Variants in SCEL observed in about 807,000 individuals in gnomAD.
The protein encoded by SCEL is sciellin.
A neutral mutation model predicts 117.6 loss-of-function variants in SCEL; 113 were observed. The observed-to-expected ratio is 0.96, with a 90% CI of 0.83 to 1.12. SCEL has a LOEUF of 1.12. SCEL is among the 50% of genes most tolerant of loss of function. SCEL has a pLI of 0.00. For missense variants in SCEL, 785 were observed against 810.8 expected (o/e 0.97, Z 0.39); for synonymous variants, 270 against 256.2 (o/e 1.05, Z -0.51).
At chr13:77,589,021 C>T in intron 9 of SCEL, 123 bp from the exon 10 acceptor site, 1 of 694,948 alleles carries the variant, frequency 1.4e-6, no homozygotes, top group Non-Finnish European at 2.5e-6. Context: ...TCAGGTACCT[C>T]ACACATGGGG....
chr13:77,612,521 G>A (rs1342494247), intron 22 of SCEL, among the ~76,000 whole-genome samples: 11 of 143,844 alleles, frequency 7.6e-5, no homozygotes, highest in African/African-American at 2.8e-4. Context: ...TTTGGAAGAA[G>A]GGGAGCAAGG....
Position 77,545,828 on chromosome 13 carries a change from G to A in SCEL, c.-20+10004G>A, listed in dbSNP as rs532177102. 1.1e-4 allele frequency among the ~76,000 whole-genome samples: 17 copies of A among 152,368 alleles called. No homozygotes were observed. In the South Asian group the frequency reaches 3.3e-3, roughly 30 times the overall value. ...AAAGACTCAAGAGCAGACTTTCTCT[G>A]GCTTGGGCCATCTGGCAGGGGCCTT... On this transcript the variant is annotated intron_variant, in intron 1 of 32. Coordinates refer to ENST00000349847, the MANE Select transcript of SCEL (RefSeq NM_144777.3).
At chr13:77,593,285 T>C (rs1217203842) in intron 11 of SCEL, among the ~76,000 whole-genome samples, 24 of 117,736 alleles carry the variant, frequency 2.0e-4, no homozygotes, top group African/African-American at 9.2e-4. Flanking sequence ...TGTGTGTGTG[T>C]GTGTGTGTGT....
At chr13:77,599,267 T>G (rs1594074866) in intron 13 of SCEL, 62 bp from the exon 14 acceptor site, 1 of 1,196,856 alleles carries the variant, frequency 8.4e-7, no homozygotes, top group East Asian at 2.4e-5. Context: ...GTCTATGTTC[T>G]TATAGAGTTA....
chr13:77,631,167 G>T (rs1319257669), intron 28 of SCEL, among the ~76,000 whole-genome samples: 3 of 152,174 alleles, frequency 2.0e-5, no homozygotes, highest in African/African-American at 4.8e-5. Context: ...AGTTAAATTA[G>T]AATATCTGGA....
chr13:77,640,805 C>G (rs768868738), intron 31 of SCEL, 21 bp downstream of exon 31: 1 of 1,202,340 alleles, frequency 8.3e-7, no homozygotes, highest in Admixed American at 2.1e-5. Flanking sequence ...GTTTATTTCA[C>G]TTAATTAAAT....
intron 19 of SCEL, among the ~76,000 whole-genome samples, 185 bp from the exon 20 acceptor site, chr13:77,607,871 A>C (rs1254053470): frequency 6.6e-6 from 1 of 152,214 alleles, no homozygotes; most frequent in East Asian, 1.9e-4. Flanking sequence ...AATTTCAGAG[A>C]TGTACAAATC....
chr13:77,581,901 A>G (rs2086282627), intron 9 of SCEL, among the ~76,000 whole-genome samples: 1 of 152,134 alleles, frequency 6.6e-6, no homozygotes, highest in Non-Finnish European at 1.5e-5. Context: ...GGAGGCTTGC[A>G]TTGTGTGGAG....
intron 9 of SCEL, among the ~76,000 whole-genome samples, chr13:77,575,616 T>C (rs2085896659): frequency 6.6e-6 from 1 of 152,206 alleles, no homozygotes; most frequent in African/African-American, 2.4e-5. Flanking sequence ...TGAAAGCCTC[T>C]TGTCCTATTT....
rs1289047382 is a variant in SCEL at position 77,627,927 on chromosome 13, A to G, written c.1629-20A>G. 6 of 1,032,988 alleles carry G rather than the reference A, an allele frequency of 5.8e-6. No individual in the cohort carries two copies. Among genetic ancestry groups the G allele is most frequent in the Non-Finnish European group, 8.6e-6 (6 of 696,178 alleles). The allele number at this position is 1,032,988 out of a possible 1,614,324, so 64.0% of individuals were successfully genotyped here. A position where few individuals can be genotyped will look rare whatever the true frequency, so the allele number is the denominator to read the frequency against. On this transcript the variant is annotated intron_variant, in intron 27 of 32. Coordinates refer to ENST00000349847, the MANE Select transcript of SCEL (RefSeq NM_144777.3). Reference sequence around the variant, plus strand: ...ATCATTATGTTGTAATTATTCATATATATATATTTTTTTCCTTAGAGACCA... The same window carrying G: ...ATCATTATGTTGTAATTATTCATATGTATATATTTTTTTCCTTAGAGACCA...
chr13:77,597,823 A>G (rs1382535996), intron 13 of SCEL, among the ~76,000 whole-genome samples: 5 of 152,030 alleles, frequency 3.3e-5, no homozygotes, highest in African/African-American at 1.2e-4. Flanking sequence ...TTTGTTTATT[A>G]AGGCAGTTAT....
chr13:77,611,136 G>A lies in SCEL; in HGVS notation c.1337+1030G>A, dbSNP rs2088618155. Among the ~76,000 whole-genome samples the A allele has an allele frequency of 5.3e-5, 8 of 152,272 alleles. No homozygotes were observed. The South Asian group carries it at 1.7e-3, about 32-fold the overall frequency. On this transcript the variant is annotated intron_variant, in intron 22 of 32. Transcript: ENST00000349847. ...GAGGTCAGCAACTTTTTCTTAATGG[G>A]CTAATAGTAAATAGTTCTGGTTTCA...
chr13:77,630,716 G>GAC (rs2089984323), intron 28 of SCEL, among the ~76,000 whole-genome samples: 1 of 152,206 alleles, frequency 6.6e-6, no homozygotes, highest in Admixed American at 6.5e-5. Context: ...ATTTTCTCAA[G>GAC]TGTAAATCCA....
chr13:77,603,061 C>CTTT lies in SCEL; in HGVS notation c.1038-7_1038-5dup. ...GGGAATGTTTTGAAACTGATATAAA[C>CTTT]TTTTTTTTTTAAAGAAGTGAAGACC... On this transcript the variant is annotated splice_polypyrimidine_tract_variant and intron_variant, in intron 17 of 32. Transcript: ENST00000349847. 2 of 1,339,980 alleles carry CTTT rather than the reference C, an allele frequency of 1.5e-6. No individual in the cohort carries two copies. The highest frequency in any genetic ancestry group is 1.4e-5 in the South Asian group (1 of 71,240). 83.0% of individuals were successfully genotyped at this position (1,339,980 alleles called of 1,614,324 possible). A position where few individuals can be genotyped will look rare whatever the true frequency, so the allele number is the denominator to read the frequency against.
intron 22 of SCEL, 29 bp downstream of exon 22, chr13:77,610,135 C>T: frequency 6.5e-7 from 1 of 1,527,688 alleles, no homozygotes; most frequent in Non-Finnish European, 9.0e-7. Flanking sequence ...TCTATTTCTC[C>T]CCCCTTTTTT....
At position 77,567,841 on chromosome 13, in the gene SCEL, T is replaced by C. The variant is rs1334682548; in HGVS notation, c.359+93T>C. ...TGCAATTCTTCAATCCTACTTGATA[T>C]CTTTCTGTAAATTCTTAGTCTCTAT... On this transcript the variant is annotated intron_variant, in intron 6 of 32. Transcript: ENST00000349847. The C allele has an allele frequency of 3.9e-6, 3 of 771,928 alleles. No homozygotes were observed. The African/African-American group carries it at 5.4e-5, about 14-fold the overall frequency. The allele number at this position is 771,928 out of a possible 1,614,324, so 47.8% of individuals were successfully genotyped here.
At position 77,606,984 on chromosome 13, in the gene SCEL, T is replaced by C. The variant is rs1486381872; in HGVS notation, c.1158-1072T>C. Among the ~76,000 whole-genome samples, 4 of 152,346 alleles carry C rather than the reference T, an allele frequency of 2.6e-5. No homozygotes were observed. In the East Asian group the frequency reaches 7.7e-4, roughly 29 times the overall value. On this transcript the variant is annotated intron_variant, in intron 19 of 32. Coordinates refer to ENST00000349847, the MANE Select transcript of SCEL (RefSeq NM_144777.3). Reference sequence around the variant, plus strand: ...TCCACTAAGATCAGAAACCGAGGTATACTAAAGAGTAACAAGAAACTACTA... The same window carrying C: ...TCCACTAAGATCAGAAACCGAGGTACACTAAAGAGTAACAAGAAACTACTA...
At chr13:77,602,765 T>C (rs765034271) in intron 17 of SCEL, 52 bp downstream of exon 17, 4 of 1,476,738 alleles carry the variant, frequency 2.7e-6, no homozygotes, top group Non-Finnish European at 1.9e-6. Context: ...CTCATATTAA[T>C]TATGTGATAT....
intron 5 of SCEL, among the ~76,000 whole-genome samples, chr13:77,566,792 A>G (rs1364969118): frequency 6.6e-6 from 1 of 152,168 alleles, no homozygotes; most frequent in Non-Finnish European, 1.5e-5. Context: ...CCAAAGCCAT[A>G]GTAGAAGGGG....
Sources: allele counts gnomAD v4.1 joint callset (sites outside exome capture counted in the v4.1 genomes callset), GRCh38; gene constraint gnomAD v4.1.1; transcripts MANE v1.5; gene names NCBI Gene and HGNC (gene_info 2026-07-23, HGNC 2026-07-21).